The following PDE4B variants were observed in gnomAD, a reference collection of about 807,000 sequenced individuals.
PDE4B encodes 3',5'-cyclic-AMP phosphodiesterase 4B.
PDE4B carries 20 observed loss-of-function variants against 82.2 expected under a neutral mutation model. The observed-to-expected ratio is 0.24, with a 90% CI of 0.17 to 0.35. The LOEUF is 0.35. Ranked by LOEUF, PDE4B falls within the 10% of genes least tolerant of loss-of-function variation. The probability of loss-of-function intolerance (pLI) is 1.00; values close to 1 mark genes in which losing one functional copy is unlikely to be tolerated. For synonymous variants in PDE4B, 320 were observed against 318.9 expected (o/e 1.00, Z -0.04); for missense variants, 655 against 907.2 (o/e 0.72, Z 3.57).
chr1:66,027,824 C>G (rs771940207), intron 3 of PDE4B, among the ~76,000 whole-genome samples: 32 of 152,238 alleles, frequency 2.1e-4, no homozygotes, highest in Non-Finnish European at 4.6e-4. Flanking sequence ...CACACTGATG[C>G]AAGGGGTGGG....
chr1:66,162,128 T>C (rs1294978823), intron 3 of PDE4B, among the ~76,000 whole-genome samples: 1 of 151,916 alleles, frequency 6.6e-6, no homozygotes, highest in Non-Finnish European at 1.5e-5. Context: ...TATCTGAGGA[T>C]CTACGGAAGC....
At chr1:66,000,229 C>T (rs894087939) in intron 3 of PDE4B, among the ~76,000 whole-genome samples, 4 of 152,284 alleles carry the variant, frequency 2.6e-5, no homozygotes, top group Middle Eastern at 3.4e-3. Context: ...CACCAAATGC[C>T]TGAGGAGAAG....
chr1:65,978,273 C>A lies in PDE4B; in HGVS notation c.281+59438C>A, dbSNP rs959759311. Reference sequence around the variant, plus strand: ...GAACTCCTGATCTCAGGTGATCCACCCGCCTTGGCCTCCTAAAGTACTGGG... The same window carrying A: ...GAACTCCTGATCTCAGGTGATCCACACGCCTTGGCCTCCTAAAGTACTGGG... On this transcript the variant is annotated intron_variant, in intron 3 of 16. Coordinates refer to ENST00000341517, the MANE Select transcript of PDE4B (RefSeq NM_002600.4). 3.9e-5 allele frequency among the ~76,000 whole-genome samples: 6 copies of A among 152,096 alleles called. No homozygotes were observed. The South Asian group carries it at 1.2e-3, about 32-fold the overall frequency.
intron 1 of PDE4B, among the ~76,000 whole-genome samples, chr1:65,859,326 T>C (rs1372670300): frequency 1.3e-5 from 2 of 152,036 alleles, no homozygotes; most frequent in Admixed American, 1.3e-4. Flanking sequence ...CAGAGTTTAG[T>C]CTTAGTTTAA....
At chr1:66,050,328 G>C (rs1004109390) in intron 3 of PDE4B, among the ~76,000 whole-genome samples, 3 of 151,990 alleles carry the variant, frequency 2.0e-5, no homozygotes, top group African/African-American at 7.2e-5. Context: ...TTGTAACCAT[G>C]ACATTAGTGA....
chr1:66,109,520 A>G (rs1645439184), intron 3 of PDE4B, among the ~76,000 whole-genome samples: 1 of 151,910 alleles, frequency 6.6e-6, no homozygotes, highest in Non-Finnish European at 1.5e-5. Flanking sequence ...CATTATAGAT[A>G]TGAATTAACT....
chr1:65,907,577 A>G (rs1164169343), intron 1 of PDE4B, among the ~76,000 whole-genome samples: 1 of 152,072 alleles, frequency 6.6e-6, no homozygotes, highest in Admixed American at 6.6e-5. Context: ...TGCTAGCACA[A>G]ACCAGAAAAC....
chr1:65,844,908 C>G (rs1410012053), intron 1 of PDE4B, among the ~76,000 whole-genome samples: 1 of 152,092 alleles, frequency 6.6e-6, no homozygotes, highest in Non-Finnish European at 1.5e-5. Flanking sequence ...TAAAGCAGCT[C>G]TATTTAGGAG....
chr1:66,028,167 C>A (rs528544192), intron 3 of PDE4B, among the ~76,000 whole-genome samples: 1 of 152,200 alleles, frequency 6.6e-6, no homozygotes, highest in Non-Finnish European at 1.5e-5. Flanking sequence ...GAAATCTAGG[C>A]GGAGGTTCAC....
chr1:65,923,447 C>G (rs1396219583), intron 3 of PDE4B, among the ~76,000 whole-genome samples: 3 of 152,080 alleles, frequency 2.0e-5, no homozygotes, highest in Admixed American at 1.3e-4. Flanking sequence ...TTAGTTATTT[C>G]TCTCTCTCTG....
At chr1:65,798,217 C>T (rs767481890) in intron 1 of PDE4B, among the ~76,000 whole-genome samples, 6 of 127,114 alleles carry the variant, frequency 4.7e-5, no homozygotes, top group Non-Finnish European at 3.3e-5. Context: ...GATGGGGTTT[C>T]ACCATGTTGG....
In PDE4B at chr1:65,880,311, C is replaced by A. The variant is rs145146337; in HGVS notation, c.-70-32934C>A. Among the ~76,000 whole-genome samples the A allele has an allele frequency of 5.3e-4, 80 of 152,294 alleles. No individual in the cohort carries two copies. In the East Asian group the frequency reaches 0.013, roughly 25 times the overall value. ...AGGTGGCCATCAATGTAATATAAAT[C>A]TTTTAAAGTAGAAAAGTATTTCCAT... On this transcript the variant is annotated intron_variant, in intron 1 of 16. Transcript: ENST00000341517.
chr1:66,083,716 C>G (rs1270420571), intron 3 of PDE4B, among the ~76,000 whole-genome samples: 1 of 152,088 alleles, frequency 6.6e-6, no homozygotes, highest in Non-Finnish European at 1.5e-5. Context: ...TCTCCATAAC[C>G]TAAGTGCTGG....
At chr1:65,888,256 G>T (rs1173960363) in intron 1 of PDE4B, among the ~76,000 whole-genome samples, 1 of 152,090 alleles carries the variant, frequency 6.6e-6, no homozygotes, top group African/African-American at 2.4e-5. Context: ...TCCTTTGGTT[G>T]AAAATACGTG....
intron 3 of PDE4B, among the ~76,000 whole-genome samples, chr1:65,997,348 G>A (rs925018843): frequency 2.0e-5 from 3 of 152,070 alleles, no homozygotes; most frequent in African/African-American, 2.4e-5. Context: ...ATCTTTTCTC[G>A]TTTTAACAAA....
chr1:66,302,971 G>T, intron 7 of PDE4B, among the ~76,000 whole-genome samples: 1 of 152,120 alleles, frequency 6.6e-6, no homozygotes, highest in Non-Finnish European at 1.5e-5. Context: ...GACCTTGCTA[G>T]ATGCCCATCC....
intron 3 of PDE4B, among the ~76,000 whole-genome samples, chr1:66,063,866 A>T (rs1287388099): frequency 1.3e-5 from 2 of 151,984 alleles, no homozygotes; most frequent in Admixed American, 1.3e-4. Flanking sequence ...TATGGAAGGT[A>T]CTTTTGCATA....
At chr1:66,073,015 CT>C (rs35522900) in intron 3 of PDE4B, among the ~76,000 whole-genome samples, 74,331 of 146,830 alleles carry the variant, frequency 0.51, 18,371 homozygotes, top group East Asian at 0.57. Flanking sequence ...GCCTTTAGCC[CT>C]TTTTTTTTTT....
At chr1:66,099,174 G>C (rs1477283119) in intron 3 of PDE4B, among the ~76,000 whole-genome samples, 1 of 137,974 alleles carries the variant, frequency 7.2e-6, no homozygotes, top group Non-Finnish European at 1.7e-5. Context: ...CGTGTCCATG[G>C]GTTCTCATGG....
Sources: gnomAD v4.1 joint callset for allele counts (sites outside exome capture counted in the v4.1 genomes callset) on GRCh38, gnomAD v4.1.1 for gene constraint, MANE v1.5 for transcripts, NCBI Gene and HGNC (gene_info 2026-07-23, HGNC 2026-07-21) for gene names.